The following APBA2 variants were observed in gnomAD, a reference collection of about 807,000 sequenced individuals.
The protein encoded by APBA2 is amyloid-beta A4 precursor protein-binding family A member 2.
A neutral mutation model predicts 75.0 loss-of-function variants in APBA2; 30 were observed. That is an observed-to-expected ratio of 0.40 (90% CI 0.30 to 0.54). The LOEUF is 0.54. APBA2 is among the 20% of genes least tolerant of loss of function. APBA2 has a pLI of 0.49. For synonymous variants in APBA2, 444 were observed against 409.6 expected (o/e 1.08, Z -1.01); for missense variants, 801 against 1,016.1 (o/e 0.79, Z 2.88).
intron 10 of APBA2, among the ~76,000 whole-genome samples, chr15:29,104,645 A>G (rs574199698): frequency 1.6e-4 from 25 of 152,330 alleles, no homozygotes; most frequent in African/African-American, 6.0e-4. Flanking sequence ...ACATCCCTAG[A>G]AGAGCAGCCA....
At chr15:28,988,649 T>C (rs934149632) in intron 2 of APBA2, among the ~76,000 whole-genome samples, 2 of 152,196 alleles carry the variant, frequency 1.3e-5, no homozygotes, top group African/African-American at 4.8e-5. Context: ...TTCACTGCTG[T>C]GTGGTATTGC....
chr15:28,940,047 C>T (rs955258141), intron 2 of APBA2, among the ~76,000 whole-genome samples: 2 of 152,084 alleles, frequency 1.3e-5, no homozygotes, highest in East Asian at 1.9e-4. Context: ...TGTGGTTTCC[C>T]GGAATCCTGT....
At chr15:28,984,740 GTC>G (rs1192985081) in intron 2 of APBA2, among the ~76,000 whole-genome samples, 1 of 138,238 alleles carries the variant, frequency 7.2e-6, no homozygotes, top group Non-Finnish European at 1.5e-5. Flanking sequence ...GAGCTGCTCT[GTC>G]TCTCTATCTC....
At chr15:29,107,240 T>C (rs2044468162) in intron 12 of APBA2, among the ~76,000 whole-genome samples, 1 of 152,202 alleles carries the variant, frequency 6.6e-6, no homozygotes, top group African/African-American at 2.4e-5. Flanking sequence ...GGTTGGGTTC[T>C]GGGACGCAGG....
chr15:28,896,447 T>C (rs1312381161), intron 1 of APBA2, among the ~76,000 whole-genome samples: 1 of 152,102 alleles, frequency 6.6e-6, no homozygotes, highest in Non-Finnish European at 1.5e-5. Flanking sequence ...CCCCGGCTAA[T>C]TTTTTGTATT....
intron 3 of APBA2, among the ~76,000 whole-genome samples, chr15:29,028,056 T>G (rs1250035049): frequency 6.6e-6 from 1 of 152,002 alleles, no homozygotes; most frequent in Non-Finnish European, 1.5e-5. Flanking sequence ...GTTAGGCCGG[T>G]AAACGTGTGC....
chr15:28,946,783 T>G (rs552470979), intron 2 of APBA2, among the ~76,000 whole-genome samples: 73 of 152,288 alleles, frequency 4.8e-4, no homozygotes, highest in Non-Finnish European at 6.6e-4. Flanking sequence ...CTTGCTATAT[T>G]GCCTAGGCTG....
intron 8 of APBA2, among the ~76,000 whole-genome samples, chr15:29,094,530 T>C (rs2279492): frequency 0.85 from 128,899 of 152,278 alleles, 57,965 homozygotes; most frequent in Non-Finnish European, 0.99. Flanking sequence ...TTATTAATTC[T>C]TCTTTCTTAG....
At chr15:29,078,669 C>T (rs997211281) in intron 6 of APBA2, among the ~76,000 whole-genome samples, 20 of 151,954 alleles carry the variant, frequency 1.3e-4, no homozygotes, top group Admixed American at 5.9e-4. Context: ...AAGAGGCCGC[C>T]GGTTCGATGG....
intron 9 of APBA2, among the ~76,000 whole-genome samples, chr15:29,100,614 T>C (rs2044072343): frequency 6.6e-6 from 1 of 152,230 alleles, no homozygotes; most frequent in Non-Finnish European, 1.5e-5. Flanking sequence ...TCAGGTGGGC[T>C]ACCTTGGTGT....
rs142101944 is a variant in APBA2, at chr15:28,984,824, C to T, written c.-94-10929C>T. On this transcript the variant is annotated intron_variant, in intron 2 of 14. Coordinates refer to ENST00000683413, the MANE Select transcript of APBA2 (RefSeq NM_001353788.2). ...TCGCTCTCTCTCCCCCCTCCCACTG[C>T]CATCTCTGGAGGTTGGGGGAGCTGC... Among the ~76,000 whole-genome samples the T allele has an allele frequency of 1.7e-3, 253 of 149,190 alleles. 5 individuals carry two copies. In the East Asian group the frequency reaches 0.033, roughly 19 times the overall value.
At chr15:28,928,084 C>G (rs953445466) in intron 2 of APBA2, among the ~76,000 whole-genome samples, 7 of 147,312 alleles carry the variant, frequency 4.8e-5, no homozygotes, top group Admixed American at 6.9e-5. Flanking sequence ...GCGGAACTTG[C>G]AGTGAGCCGA....
At chr15:28,891,209 G>A (rs904681317) in intron 1 of APBA2, among the ~76,000 whole-genome samples, 18 of 152,128 alleles carry the variant, frequency 1.2e-4, no homozygotes, top group African/African-American at 4.1e-4. Context: ...ATAATTTCCC[G>A]ACAAATCTGG....
chr15:28,939,622 CT>C (rs2035075239), intron 2 of APBA2, among the ~76,000 whole-genome samples: 1 of 152,230 alleles, frequency 6.6e-6, no homozygotes, highest in African/African-American at 2.4e-5. Flanking sequence ...ATTACAGCTA[CT>C]TCTGGCCTCA....
chr15:28,920,227 T>C (rs1324492713), intron 1 of APBA2, among the ~76,000 whole-genome samples: 2 of 152,160 alleles, frequency 1.3e-5, no homozygotes, highest in Non-Finnish European at 2.9e-5. Flanking sequence ...AGCTGGGTTT[T>C]GAAGAATGAA....
intron 1 of APBA2, among the ~76,000 whole-genome samples, chr15:28,905,987 C>T (rs1279625656): frequency 6.6e-6 from 1 of 152,134 alleles, no homozygotes; most frequent in Non-Finnish European, 1.5e-5. Flanking sequence ...CAAGGATAAT[C>T]ATTATTCACA....
At chr15:28,987,818 G>A (rs1407112890) in intron 2 of APBA2, among the ~76,000 whole-genome samples, 1 of 144,628 alleles carries the variant, frequency 6.9e-6, no homozygotes, top group African/African-American at 2.6e-5. Context: ...GTGCAGTGAT[G>A]TGATCTCAGC....
At chr15:29,041,484 GAAAA>G (rs56701766) in intron 3 of APBA2, among the ~76,000 whole-genome samples, 2 of 60,208 alleles carry the variant, frequency 3.3e-5, no homozygotes, top group South Asian at 5.1e-4. Context: ...CCCTGTCTCA[GAAAA>G]AAAAAAAAAA....
intron 1 of APBA2, among the ~76,000 whole-genome samples, chr15:28,896,366 G>A (rs1376729040): frequency 5.3e-5 from 8 of 152,072 alleles, no homozygotes; most frequent in Non-Finnish European, 1.0e-4. Context: ...TGCAAGCTCC[G>A]CCTCCCGGGT....
Sources: allele counts gnomAD v4.1 joint callset (sites outside exome capture counted in the v4.1 genomes callset), GRCh38; gene constraint gnomAD v4.1.1; transcripts MANE v1.5; gene names NCBI Gene and HGNC (gene_info 2026-07-23, HGNC 2026-07-21).